Variants in ELF3 observed in about 807,000 individuals in gnomAD.
ELF3 encodes the protein E74 like ETS transcription factor 3, also known as ETS-related transcription factor Elf-3.
In ELF3, 18 loss-of-function variants were observed where a neutral mutation model predicts 43.9. That is an observed-to-expected ratio of 0.41 (90% confidence interval 0.28 to 0.61). The LOEUF is 0.61. Among genes scored for constraint, ELF3 ranks in the 20% least tolerant of loss-of-function variants. The pLI is 0.30. For synonymous variants in ELF3, 181 were observed against 190.2 expected (o/e 0.95, Z 0.40); for missense variants, 373 against 487.7 (o/e 0.76, Z 2.21).
Position 202,015,502 on chromosome 1 carries a change from T to G in ELF3, c.*179T>G. 1.6e-6 allele frequency: 1 copy of G among 619,598 alleles called. No homozygotes were observed. 38.4% of individuals were successfully genotyped at this position (619,598 alleles called of 1,614,324 possible). A position where few individuals can be genotyped will look rare whatever the true frequency, so the allele number is the denominator to read the frequency against. The stretch of plus-strand genomic sequence containing the variant: ...GTCCTGGGACTCGGAGACTATGGCC[T>G]CGCCTCCCCACCCTCCTCTTGGAAT... On this transcript the variant is annotated 3_prime_UTR_variant, in exon 9 of 9. Transcript: ENST00000367284.
At position 202,016,046 on chromosome 1, in the gene ELF3, G is replaced by A. The variant is rs1379305343; in HGVS notation, c.*723G>A. 1.3e-5 allele frequency: 2 copies of A among 152,202 alleles called. No individual in the cohort carries two copies. The highest frequency in any genetic ancestry group is 2.9e-5 in the Non-Finnish European group (2 of 68,080). 9.4% of individuals were successfully genotyped at this position (152,202 alleles called of 1,614,324 possible). On this transcript the variant is annotated 3_prime_UTR_variant, in exon 9 of 9. Transcript: ENST00000367284. ...CCTGTGTACTGAAATTTGGGCCTTT[G>A]GATCGAATATGGTCAAGAGGTTGGA...
At position 202,013,344 on chromosome 1, in the gene ELF3, G is replaced by A; in HGVS notation, c.805+46G>A. On this transcript the variant is annotated intron_variant, in intron 7 of 8. Coordinates refer to ENST00000367284, the MANE Select transcript of ELF3 (RefSeq NM_004433.5). This position sits in a 1 kb window ranked among gnomAD's most constrained non-coding sequence, Gnocchi z 5.7. The stretch of plus-strand genomic sequence containing the variant: ...GGTCCTCCCTGCGCCGGGCTGAGCG[G>A]CTTCCTGGGGCACTGCGGGTTGTTG... The A allele has an allele frequency of 6.3e-7, 1 of 1,576,878 alleles. No homozygotes were observed. The highest frequency in any genetic ancestry group is 8.7e-7 in the Non-Finnish European group (1 of 1,151,928).
In ELF3 at chr1:202,012,358, G is replaced by C; in HGVS notation, c.400G>C (p.Asp134His). The change falls in exon 4 of 9, where the codon GAT (aspartate) becomes CAT (histidine). Residue 134 changes from aspartate (D) to histidine (H), a missense_variant. Around this residue, in one of 3 missense-constraint regions of ELF3, gnomAD observed 311 missense variants for 351.2 expected, o/e 0.89. Coordinates refer to ENST00000367284, the MANE Select transcript of ELF3 (RefSeq NM_004433.5). The surrounding 1 kb of genome is among the most constrained non-coding windows in gnomAD (Gnocchi z 4.2). ...TTCCTTGTCAGCTTCCAGCTCTTCT[G>C]ATGAGCTCAGTTGGATCATTGAGCT... is the stretch of plus-strand genomic sequence containing the variant. ...QLRDLTSSSSDELSWIIELLE... is the reference protein window; with the variant it reads ...QLRDLTSSSSHELSWIIELLE... 1 of 1,614,100 alleles carries C rather than the reference G, an allele frequency of 6.2e-7. No homozygotes were observed. The highest frequency in any genetic ancestry group is 8.5e-7 in the Non-Finnish European group (1 of 1,180,006).
Position 202,015,443 on chromosome 1 carries a change from G to A in ELF3, c.*120G>A, listed in dbSNP as rs1334644764. 1 of 961,528 alleles carries A rather than the reference G, an allele frequency of 1.0e-6. No homozygotes were observed. Among genetic ancestry groups the A allele is most frequent in the East Asian group, 2.6e-5 (1 of 38,214 alleles). The allele number at this position is 961,528 out of a possible 1,614,324, so 59.6% of individuals were successfully genotyped here. ...GGAATGCTCCCAGCTGTGCTGTGGA[G>A]AGAAGCTGATGTTTTGGTGTATTGT... is the stretch of plus-strand genomic sequence containing the variant. On this transcript the variant is annotated 3_prime_UTR_variant, in exon 9 of 9. Transcript: ENST00000367284.
In ELF3 at chr1:202,014,021, T is replaced by C. The variant is rs759399035; in HGVS notation, c.998T>C (p.Met333Thr). 2 of 1,606,302 alleles carry C rather than the reference T, an allele frequency of 1.2e-6. No homozygotes were observed. The highest frequency in any genetic ancestry group is 1.7e-6 in the Non-Finnish European group (2 of 1,174,360). The stretch of plus-strand genomic sequence containing the variant: ...ACCTACGAGAAGCTGAGCCGGGCCA[T>C]GAGGTGAGCTGGCGGCCAGGACCCT... The part of the protein sequence containing the change: ...NMTYEKLSRA[M>T]RYYYKREILE... Residue 333 changes from methionine to threonine, a missense_variant, in exon 8 of 9, where the codon ATG (methionine) becomes ACG (threonine). Coordinates refer to ENST00000367284, the MANE Select transcript of ELF3 (RefSeq NM_004433.5).
At chr1:202,011,013 C>G (rs775917215) in intron 1 of ELF3, 116 bp from the exon 2 acceptor site, 14 of 1,177,054 alleles carry the variant, frequency 1.2e-5, no homozygotes, top group African/African-American at 1.6e-5. Context: ...AGTTGCTGAT[C>G]TTCCTGCCCC....
chr1:202,013,779 G>C lies in ELF3; in HGVS notation c.806-50G>C. 6.4e-7 allele frequency: 1 copy of C among 1,565,244 alleles called. No homozygotes were observed. Among genetic ancestry groups the C allele is most frequent in the Non-Finnish European group, 8.7e-7 (1 of 1,152,958 alleles). On this transcript the variant is annotated intron_variant, in intron 7 of 8. Coordinates refer to ENST00000367284, the MANE Select transcript of ELF3 (RefSeq NM_004433.5). This position sits in a 1 kb window ranked among gnomAD's most constrained non-coding sequence, Gnocchi z 5.7. ...GGGGCGGGCAGGGCTGGCTGGCCTT[G>C]GGTGAGAGGGGACACCTGGATGGCA...
At chr1:202,011,329 G>A (rs553069764) in intron 2 of ELF3, 30 bp downstream of exon 2, 40 of 1,531,454 alleles carry the variant, frequency 2.6e-5, no homozygotes, top group Non-Finnish European at 3.1e-5. Context: ...GATGGGGCAC[G>A]GAGTGGGAGA....
At position 202,010,858 on chromosome 1, in the gene ELF3, T is replaced by A; in HGVS notation, c.-9+152T>A. The A allele has an allele frequency of 2.3e-6, 1 of 443,524 alleles. No homozygotes were observed. Among genetic ancestry groups the A allele is most frequent in the Non-Finnish European group, 4.1e-6 (1 of 245,088 alleles). The allele number at this position is 443,524 out of a possible 1,614,324, so 27.5% of individuals were successfully genotyped here. A position where few individuals can be genotyped will look rare whatever the true frequency, so the allele number is the denominator to read the frequency against. On this transcript the variant is annotated intron_variant, in intron 1 of 8. Coordinates refer to ENST00000367284, the MANE Select transcript of ELF3 (RefSeq NM_004433.5). This position sits in a 1 kb window ranked among gnomAD's most constrained non-coding sequence, Gnocchi z 4.3. ...AGGGTCAAAGAACAGAGAGAGATTG[T>A]CTCTGGGAAGGCAGAATGGCCATGA...
In ELF3 at chr1:202,013,295, C is replaced by G. The variant is rs775051484; in HGVS notation, c.802C>G (p.His268Asp). 3 of 1,613,252 alleles carry G rather than the reference C, an allele frequency of 1.9e-6. No homozygotes were observed. Among genetic ancestry groups the G allele is most frequent in the South Asian group, 2.2e-5 (2 of 91,056 alleles). ...CTGTCTCGAGGGCAAGAAGAGCAAG[C>G]ACGGTGAGCTCCGGGGGCACGTGGG... Reference protein sequence around the residue: ...WDCLEGKKSKHAPRGTHLWEF... With the variant: ...WDCLEGKKSKDAPRGTHLWEF... Residue 268 changes from histidine to aspartate, a missense_variant, in exon 7 of 9, where the codon CAC (histidine) becomes GAC (aspartate). Physicochemically the swap from His to Asp is moderately conservative, Grantham distance 81 (BLOSUM62 -1). Transcript: ENST00000367284. This position sits in a 1 kb window ranked among gnomAD's most constrained non-coding sequence, Gnocchi z 5.7.
Position 202,013,392 on chromosome 1 carries a change from C to T in ELF3, c.805+94C>T. On this transcript the variant is annotated intron_variant, in intron 7 of 8. Coordinates refer to ENST00000367284, the MANE Select transcript of ELF3 (RefSeq NM_004433.5). The surrounding 1 kb of genome is among the most constrained non-coding windows in gnomAD (Gnocchi z 5.7). The stretch of plus-strand genomic sequence containing the variant: ...TTGCAGGTATCCCTTCTCCCGTTTT[C>T]TCTGGCCTCCGCATGGCCTTTGGTA... 7.7e-7 allele frequency: 1 copy of T among 1,290,622 alleles called. No individual in the cohort carries two copies. Among genetic ancestry groups the T allele is most frequent in the Non-Finnish European group, 1.1e-6 (1 of 910,176 alleles). 79.9% of individuals were successfully genotyped at this position (1,290,622 alleles called of 1,614,324 possible). A position where few individuals can be genotyped will look rare whatever the true frequency, so the allele number is the denominator to read the frequency against.
rs745830330 is a variant in ELF3, at chr1:202,015,321, T to G, written c.1114T>G (p.Ter372GlyextTer43). The G allele has an allele frequency of 1.2e-6, 2 of 1,614,032 alleles. No individual in the cohort carries two copies. Among genetic ancestry groups the G allele is most frequent in the Non-Finnish European group, 1.7e-6 (2 of 1,179,970 alleles). Residue 372 changes from the stop codon to glycine (G), a stop_lost, in exon 9 of 9, where the codon TGA (stop) becomes GGA (glycine). Coordinates refer to ENST00000367284, the MANE Select transcript of ELF3 (RefSeq NM_004433.5). ...GGAAGAGGTTCTCCAGAGTCGGAAC[T>G]GAGGGTTGGAACTATACCCGGGACC... ...KEEEVLQSRN[*>G]
chr1:202,013,900 A>G lies in ELF3; in HGVS notation c.877A>G (p.Met293Val). 6.2e-7 allele frequency: 1 copy of G among 1,614,142 alleles called. No homozygotes were observed. The highest frequency in any genetic ancestry group is 8.5e-7 in the Non-Finnish European group (1 of 1,180,000). Residue 293 changes from methionine to valine, a missense_variant, in exon 8 of 9, where the codon ATG becomes GTG. Transcript: ENST00000367284. This position sits in a 1 kb window ranked among gnomAD's most constrained non-coding sequence, Gnocchi z 5.7. ...LIHPELNEGL[M>V]KWENRHEGVF... ...CCACCCGGAGCTCAACGAGGGCCTCATGAAGTGGGAGAATCGGCATGAAGG... is the reference window on the plus strand; with the variant it reads ...CCACCCGGAGCTCAACGAGGGCCTCGTGAAGTGGGAGAATCGGCATGAAGG...
rs750771283 is a variant in ELF3 at position 202,011,263 on chromosome 1, A to T, written c.127A>T (p.Thr43Ser). Residue 43 changes from threonine (T) to serine (S), a missense_variant, in exon 2 of 9, where the codon ACC (threonine) becomes TCC (serine). By Grantham distance (58) the Thr-to-Ser change is moderately conservative (BLOSUM62 1). Transcript: ENST00000367284. Reference protein sequence around the residue: ...ATFGADDLVLTLSNPQMSLEG... With the variant: ...ATFGADDLVLSLSNPQMSLEG... ...CTTTGGGGCCGATGACTTGGTACTGACCCTGAGCAACCCCCAGATGTCATT... is the reference window on the plus strand; with the variant it reads ...CTTTGGGGCCGATGACTTGGTACTGTCCCTGAGCAACCCCCAGATGTCATT... 6.2e-7 allele frequency: 1 copy of T among 1,608,264 alleles called. No individual in the cohort carries two copies. The highest frequency in any genetic ancestry group is 8.5e-7 in the Non-Finnish European group (1 of 1,176,966).
At position 202,015,478 on chromosome 1, in the gene ELF3, T is replaced by A; in HGVS notation, c.*155T>A. On this transcript the variant is annotated 3_prime_UTR_variant, in exon 9 of 9. Coordinates refer to ENST00000367284, the MANE Select transcript of ELF3 (RefSeq NM_004433.5). Reference sequence around the variant, plus strand: ...TGTTTTGGTGTATTGTCAGCCATCGTCCTGGGACTCGGAGACTATGGCCTC... The same window carrying A: ...TGTTTTGGTGTATTGTCAGCCATCGACCTGGGACTCGGAGACTATGGCCTC... 1.4e-6 allele frequency: 1 copy of A among 725,282 alleles called. No homozygotes were observed. The highest frequency in any genetic ancestry group is 2.3e-6 in the Non-Finnish European group (1 of 441,164). The allele number at this position is 725,282 out of a possible 1,614,324, so 44.9% of individuals were successfully genotyped here. A position where few individuals can be genotyped will look rare whatever the true frequency, so the allele number is the denominator to read the frequency against.
chr1:202,011,871 C>G, intron 2 of ELF3, 86 bp from the exon 3 acceptor site: 1 of 1,258,456 alleles, frequency 7.9e-7, no homozygotes, highest in Admixed American at 2.1e-5. Flanking sequence ...GAGTGAGACT[C>G]CATCTCAAAA....
chr1:202,010,816 A>C lies in ELF3; in HGVS notation c.-9+110A>C. On this transcript the variant is annotated intron_variant, in intron 1 of 8. Transcript: ENST00000367284. This position sits in a 1 kb window ranked among gnomAD's most constrained non-coding sequence, Gnocchi z 4.3. ...CACTCCAGTCTAGGATCTCCGAGCA[A>C]GAGCGTAGGTGTCCTGAGGGTCAAA... 3.3e-6 allele frequency: 1 copy of C among 305,052 alleles called. No homozygotes were observed. The highest frequency in any genetic ancestry group is 6.2e-6 in the Non-Finnish European group (1 of 161,380). The allele number at this position is 305,052 out of a possible 1,614,324, so 18.9% of individuals were successfully genotyped here.
chr1:202,012,674 C>G lies in ELF3; in HGVS notation c.513C>G (p.Asp171Glu). 6.2e-7 allele frequency: 1 copy of G among 1,609,100 alleles called. No homozygotes were observed. The highest frequency in any genetic ancestry group is 8.5e-7 in the Non-Finnish European group (1 of 1,177,852). ...QGSPFAQELL[D>E]DGQQASPYHP... Reference sequence around the variant, plus strand: ...GCCCCTTTGCCCAGGAGCTGCTGGACGACGGTCAGCAAGCCAGCCCCTACC... The same window carrying G: ...GCCCCTTTGCCCAGGAGCTGCTGGAGGACGGTCAGCAAGCCAGCCCCTACC... Residue 171 changes from aspartate (D) to glutamate (E), a missense_variant, in exon 5 of 9, where the codon GAC becomes GAG. This residue lies in a region of ELF3 where 311 missense variants were observed against 351.2 expected (regional missense o/e 0.89). Transcript: ENST00000367284. This position sits in a 1 kb window ranked among gnomAD's most constrained non-coding sequence, Gnocchi z 4.2.
At chr1:202,014,568 C>T (rs566539594) in intron 8 of ELF3, among the ~76,000 whole-genome samples, 3 of 152,246 alleles carry the variant, frequency 2.0e-5, no homozygotes, top group Non-Finnish European at 2.9e-5. Context: ...GCTGGGATTA[C>T]AGGTGTGAGC....
Sources: gnomAD v4.1 joint callset for allele counts (sites outside exome capture counted in the v4.1 genomes callset) on GRCh38, gnomAD v4.1.1 for gene constraint, gnomAD v4.1.1 regional missense constraint, Gnocchi (gnomAD v3.1) non-coding constraint, MANE v1.5 for transcripts, NCBI Gene and HGNC (gene_info 2026-07-23, HGNC 2026-07-21) for gene names.